Variants in FSIP1 observed in about 807,000 individuals in gnomAD.
The protein encoded by FSIP1 is fibrous sheath-interacting protein 1.
In FSIP1, 65 loss-of-function variants were observed where a neutral mutation model predicts 60.9. The ratio of observed to expected loss-of-function variants is 1.07; its 90% CI spans 0.87 to 1.31. The LOEUF is 1.31. Among genes scored for constraint, FSIP1 ranks in the 40% most tolerant of loss-of-function variants. The pLI is 0.00. For missense variants in FSIP1, 675 were observed against 665.5 expected, an observed-to-expected ratio of 1.01 and a Z score of -0.16; for synonymous variants, 209 against 221.2, an observed-to-expected ratio of 0.94 and a Z score of 0.49.
At chr15:39,766,638 A>G (rs1897699349) in intron 3 of FSIP1, among the ~76,000 whole-genome samples, 1 of 152,212 alleles carries the variant, frequency 6.6e-6, no homozygotes, top group Admixed American at 6.5e-5. Context: ...CCTCTTAGCC[A>G]CAGATAATAT....
At chr15:39,742,169 G>A (rs919970394) in intron 5 of FSIP1, among the ~76,000 whole-genome samples, 1 of 152,182 alleles carries the variant, frequency 6.6e-6, no homozygotes, top group African/African-American at 2.4e-5. Context: ...GGATGTGTAA[G>A]AGTGTGCTAA....
intron 10 of FSIP1, among the ~76,000 whole-genome samples, chr15:39,690,498 T>C (rs1168708448): frequency 1.3e-5 from 2 of 152,196 alleles, no homozygotes. Flanking sequence ...CATTAGTCTA[T>C]GTTATTAGCA....
At chr15:39,736,825 G>A (rs1314699586) in intron 8 of FSIP1, among the ~76,000 whole-genome samples, 1 of 152,202 alleles carries the variant, frequency 6.6e-6, no homozygotes, top group Non-Finnish European at 1.5e-5. Flanking sequence ...GGTCTCAGCT[G>A]AAGCTCAGCT....
chr15:39,637,947 T>C (rs2140414251), intron 10 of FSIP1, among the ~76,000 whole-genome samples: 1 of 152,310 alleles, frequency 6.6e-6, no homozygotes, highest in Non-Finnish European at 1.5e-5. Flanking sequence ...TTTCATTTAT[T>C]TGTAGGTGTT....
chr15:39,776,336 T>C, intron 2 of FSIP1, 63 bp downstream of exon 2: 1 of 1,507,110 alleles, frequency 6.6e-7, no homozygotes, highest in Non-Finnish European at 9.1e-7. Context: ...ACAACAACCT[T>C]AGTTTCATCA....
intron 10 of FSIP1, among the ~76,000 whole-genome samples, chr15:39,648,035 G>A (rs2140430779): frequency 6.6e-6 from 1 of 151,854 alleles, no homozygotes; most frequent in East Asian, 1.9e-4. Flanking sequence ...GGGGGAGCGG[G>A]GAGGGATAGC....
chr15:39,722,646 C>G (rs1379901264), intron 9 of FSIP1, among the ~76,000 whole-genome samples: 2 of 152,146 alleles, frequency 1.3e-5, no homozygotes, highest in Admixed American at 1.3e-4. Context: ...CTCTAAACCA[C>G]CACAGCACTT....
At chr15:39,766,508 C>A (rs1211960080) in intron 3 of FSIP1, among the ~76,000 whole-genome samples, 1 of 152,222 alleles carries the variant, frequency 6.6e-6, no homozygotes, top group East Asian at 1.9e-4. Flanking sequence ...TCTCATTTTA[C>A]AAATTAGTAA....
At chr15:39,681,106 C>T (rs1357017129) in intron 10 of FSIP1, among the ~76,000 whole-genome samples, 2 of 151,904 alleles carry the variant, frequency 1.3e-5, no homozygotes, top group Non-Finnish European at 2.9e-5. Flanking sequence ...ATTTAACTGG[C>T]ATATCTTCAG....
chr15:39,667,375 A>G (rs1893537286), intron 10 of FSIP1, among the ~76,000 whole-genome samples: 1 of 152,214 alleles, frequency 6.6e-6, no homozygotes, highest in Admixed American at 6.5e-5. Context: ...TAGCACATGT[A>G]GAGCTTGACT....
chr15:39,653,415 C>G (rs1290128181), intron 10 of FSIP1, among the ~76,000 whole-genome samples: 3 of 152,134 alleles, frequency 2.0e-5, no homozygotes, highest in African/African-American at 7.2e-5. Flanking sequence ...TTTTTACCTT[C>G]TAAACTTTTA....
At chr15:39,675,968 A>G (rs563487225) in intron 10 of FSIP1, among the ~76,000 whole-genome samples, 125 of 151,456 alleles carry the variant, frequency 8.3e-4, no homozygotes, top group Admixed American at 2.5e-3. Flanking sequence ...GTTCGAGACC[A>G]GCCTGGGCTA....
chr15:39,720,927 T>G (rs570896217), intron 9 of FSIP1, among the ~76,000 whole-genome samples: 1 of 152,334 alleles, frequency 6.6e-6, no homozygotes, highest in South Asian at 2.1e-4. Context: ...CACATATTAT[T>G]CACACTACAG....
At chr15:39,762,211 C>T (rs1389159819) in intron 5 of FSIP1, among the ~76,000 whole-genome samples, 1 of 152,216 alleles carries the variant, frequency 6.6e-6, no homozygotes, top group Non-Finnish European at 1.5e-5. Flanking sequence ...AATTTATTCT[C>T]TACAGTTCTA....
intron 10 of FSIP1, among the ~76,000 whole-genome samples, chr15:39,645,524 G>A (rs1443474588): frequency 6.6e-6 from 1 of 152,164 alleles, no homozygotes; most frequent in African/African-American, 2.4e-5. Flanking sequence ...GCCAGGAACA[G>A]TCAGGATCTG....
rs765116304 is a variant in FSIP1 at position 39,741,874 on chromosome 15, AG to A, written c.585del (p.Ser197ProfsTer34). On this transcript the variant is annotated frameshift_variant, in exon 6 of 12. Coordinates refer to ENST00000350221, the MANE Select transcript of FSIP1 (RefSeq NM_152597.5). LOFTEE classifies it high-confidence loss of function. ...TVGPSHEEED[T>X]FSSVFHTQIP... ...ATTTGAGTATGAAACACTGAGGAAAAGGTGTCTTCCTCCTCATGAGAAGGAC... is the reference window on the plus strand; with the variant it reads ...ATTTGAGTATGAAACACTGAGGAAAAGTGTCTTCCTCCTCATGAGAAGGAC... 1.2e-6 allele frequency: 2 copies of A among 1,603,148 alleles called. No individual in the cohort carries two copies. Among genetic ancestry groups the A allele is most frequent in the Non-Finnish European group, 1.7e-6 (2 of 1,170,520 alleles).
At chr15:39,736,300 C>T (rs970426910) in intron 8 of FSIP1, among the ~76,000 whole-genome samples, 11 of 152,228 alleles carry the variant, frequency 7.2e-5, no homozygotes, top group Non-Finnish European at 1.6e-4. Context: ...ATAGCAACAC[C>T]TTCACCTGCT....
rs35259437 is a variant in FSIP1 at position 39,615,728 on chromosome 15, CAA to C, written c.1699+2005_1699+2006del. Among the ~76,000 whole-genome samples the C allele has an allele frequency of 2.5e-3, 302 of 119,748 alleles. 1 individual carries two copies. In the East Asian group the frequency reaches 0.028, roughly 11 times the overall value. The allele number at this position is 119,748 out of a possible 152,430, so 78.6% of individuals were successfully genotyped here. On this transcript the variant is annotated intron_variant, in intron 11 of 11. Coordinates refer to ENST00000350221, the MANE Select transcript of FSIP1 (RefSeq NM_152597.5). ...TGAAACTCCATCTCTACTAAAAATA[CAA>C]AAAAAAAAAAAAAAAGTCAAACTCA...
intron 8 of FSIP1, among the ~76,000 whole-genome samples, chr15:39,736,951 G>A (rs1896631844): frequency 6.6e-6 from 1 of 152,086 alleles, no homozygotes; most frequent in Admixed American, 6.5e-5. Flanking sequence ...TTTGGCTCAG[G>A]GAAATTCTCA....
Sources: gnomAD v4.1 joint callset for allele counts (sites outside exome capture counted in the v4.1 genomes callset) on GRCh38, gnomAD v4.1.1 for gene constraint, MANE v1.5 for transcripts, NCBI Gene and HGNC (gene_info 2026-07-23, HGNC 2026-07-21) for gene names.